PCLO: variants seen among roughly 807,000 people sequenced by gnomAD.
PCLO encodes protein piccolo.
Under a neutral mutation model 427.5 loss-of-function variants are expected in PCLO, and 82 were observed. The ratio of observed to expected loss-of-function variants is 0.19; its 90% CI spans 0.16 to 0.23. The LOEUF is 0.23. PCLO is among the 10% of genes least tolerant of loss of function. The probability of loss-of-function intolerance (pLI) is 1.00; values close to 1 mark genes in which losing one functional copy is unlikely to be tolerated. For synonymous variants in PCLO, 2,357 were observed against 2,155.4 expected, an observed-to-expected ratio of 1.09 and a Z score of -2.59; for missense variants, 6,239 against 6,115.9, an observed-to-expected ratio of 1.02 and a Z score of -0.67.
intron 22 of PCLO, among the ~76,000 whole-genome samples, chr7:82,770,752 G>T (rs1198845136): frequency 1.3e-5 from 2 of 151,668 alleles, no homozygotes; most frequent in East Asian, 3.9e-4. Context: ...TGGTACTCAA[G>T]AATTACCTAT....
intron 3 of PCLO, among the ~76,000 whole-genome samples, chr7:83,119,023 A>C (rs1280179224): frequency 6.6e-6 from 1 of 152,160 alleles, no homozygotes; most frequent in Non-Finnish European, 1.5e-5. Context: ...AGCCACAGTA[A>C]AATAAAGCAC....
At chr7:82,866,655 TACACACACACACACACAC>T (rs71096605) in intron 10 of PCLO, among the ~76,000 whole-genome samples, 5 of 143,108 alleles carry the variant, frequency 3.5e-5, no homozygotes, top group African/African-American at 1.0e-4. Flanking sequence ...TGAAATTTTA[TACACACACACACACACAC>T]ACACACACAC....
intron 9 of PCLO, among the ~76,000 whole-genome samples, chr7:82,892,425 T>C (rs903654375): frequency 7.9e-5 from 12 of 152,122 alleles, no homozygotes; most frequent in African/African-American, 2.9e-4. Context: ...CAAAAATTAA[T>C]TCAAGATGGA....
chr7:82,897,284 C>T (rs1486157648), intron 9 of PCLO, among the ~76,000 whole-genome samples: 1 of 151,532 alleles, frequency 6.6e-6, no homozygotes, highest in South Asian at 2.1e-4. Flanking sequence ...CACTCTGTTG[C>T]CTTGTGTTTT....
chr7:82,907,408 T>C (rs1794217748), intron 8 of PCLO, among the ~76,000 whole-genome samples: 1 of 152,138 alleles, frequency 6.6e-6, no homozygotes, highest in South Asian at 2.1e-4. Flanking sequence ...ATTCATATAA[T>C]AAACACATTT....
intron 9 of PCLO, chr7:82,880,276 C>G (rs187309130): frequency 7.6e-5 from 20 of 264,404 alleles, no homozygotes; most frequent in Middle Eastern, 8.6e-4. Flanking sequence ...GCATATATGG[C>G]TCATCACTGA....
chr7:83,155,129 A>G lies in PCLO; in HGVS notation c.1512T>C (p.Pro504=). Residue 504 remains proline (P), a synonymous_variant, in exon 2 of 25, where the codon CCT becomes CCC. Coordinates refer to ENST00000333891, the MANE Select transcript of PCLO (RefSeq NM_033026.6). The part of the protein sequence containing the change: ...PGSAKPPSQQ[P]GSTKPPPQQP... ...GTTGAGGTGGGGGTTTTGTTGAGCC[A>G]GGCTGTTGAGATGGGGGCTTTGCTG... 1.3e-6 allele frequency: 2 copies of G among 1,485,256 alleles called. No homozygotes were observed. Among genetic ancestry groups the G allele is most frequent in the Non-Finnish European group, 1.8e-6 (2 of 1,103,910 alleles). 92.0% of individuals were successfully genotyped at this position (1,485,256 alleles called of 1,614,324 possible).
chr7:83,144,370 G>A (rs546234572), intron 2 of PCLO, among the ~76,000 whole-genome samples: 35 of 70,858 alleles, frequency 4.9e-4, no homozygotes, highest in African/African-American at 1.9e-3. Flanking sequence ...GCAGTGAGCT[G>A]AGATCACACC....
At chr7:83,091,675 T>C (rs1790381655) in intron 3 of PCLO, among the ~76,000 whole-genome samples, 1 of 152,158 alleles carries the variant, frequency 6.6e-6, no homozygotes, top group African/African-American at 2.4e-5. Context: ...TACATTTGCT[T>C]ATAATAAATG....
intron 10 of PCLO, among the ~76,000 whole-genome samples, chr7:82,875,265 A>G (rs117850154): frequency 6.6e-6 from 1 of 152,186 alleles, no homozygotes; most frequent in Non-Finnish European, 1.5e-5. Context: ...AAGTTCTTGA[A>G]CTGCATTTTT....
chr7:82,769,138 A>T (rs1224254366), intron 22 of PCLO, among the ~76,000 whole-genome samples: 1 of 152,156 alleles, frequency 6.6e-6, no homozygotes, highest in Non-Finnish European at 1.5e-5. Flanking sequence ...TCATGGGAAT[A>T]TTCGCTTTAA....
chr7:83,050,271 TAAAA>T (rs60841081), intron 3 of PCLO, among the ~76,000 whole-genome samples: 2,805 of 94,612 alleles, frequency 0.03, 135 homozygotes, highest in African/African-American at 0.087. Context: ...AAGTGCTTTT[TAAAA>T]AAAAAAAAAA....
intron 3 of PCLO, among the ~76,000 whole-genome samples, chr7:83,054,828 G>A (rs1410713032): frequency 6.6e-6 from 1 of 152,018 alleles, no homozygotes; most frequent in Non-Finnish European, 1.5e-5. Flanking sequence ...TGAATGAGTT[G>A]AGCAACTTCA....
At position 82,952,997 on chromosome 7, in the gene PCLO, A is replaced by G; in HGVS notation, c.7956T>C (p.Pro2652=). The part of the protein sequence containing the change: ...SGALQTFSAT[P]VTAPSSFQAA... ...CTTGAAATGAAGAGGGTGCTGTGAC[A>G]GGGGTAGCAGAAAATGTCTGTAAAG... is the stretch of plus-strand genomic sequence containing the variant. The change falls in exon 5 of 25, where the codon CCT becomes CCC. Residue 2652 remains proline (P), a synonymous_variant. Coordinates refer to ENST00000333891, the MANE Select transcript of PCLO (RefSeq NM_033026.6). 6.2e-7 allele frequency: 1 copy of G among 1,613,914 alleles called. No individual in the cohort carries two copies. The highest frequency in any genetic ancestry group is 1.1e-5 in the South Asian group (1 of 91,090).
chr7:82,912,058 C>T (rs926716159), intron 7 of PCLO, among the ~76,000 whole-genome samples: 5 of 152,046 alleles, frequency 3.3e-5, no homozygotes, highest in Non-Finnish European at 7.4e-5. Flanking sequence ...GTCTTATATC[C>T]TATCACTTAT....
At position 82,951,863 on chromosome 7, in the gene PCLO, A is replaced by G; in HGVS notation, c.9090T>C (p.Val3030=). Residue 3030 remains valine, a synonymous_variant, in exon 5 of 25, where the codon GTT becomes GTC. Transcript: ENST00000333891. Reference sequence around the variant, plus strand: ...CTGCCACATCATACTGACCTGTAGTAACTCTCCCTGAAGTCAGATCTACTG... The same window carrying G: ...CTGCCACATCATACTGACCTGTAGTGACTCTCCCTGAAGTCAGATCTACTG... The part of the protein sequence containing the change: ...DTAVDLTSGR[V]TTGEVMDYSS... 6.2e-7 allele frequency: 1 copy of G among 1,612,086 alleles called. No individual in the cohort carries two copies.
At chr7:82,797,145 TC>T (rs1382117206) in intron 22 of PCLO, among the ~76,000 whole-genome samples, 2 of 152,114 alleles carry the variant, frequency 1.3e-5, no homozygotes, top group African/African-American at 4.8e-5. Context: ...AAACTGAATT[TC>T]CATTCTTACT....
rs186267408 is a variant in PCLO, at chr7:82,999,706, T to C, written c.3301-33219A>G. Among the ~76,000 whole-genome samples the C allele has an allele frequency of 1.8e-3, 97 of 52,870 alleles. 23 individuals are homozygous for C. The highest frequency in any genetic ancestry group is 3.6e-3 in the East Asian group (2 of 560). The allele number at this position is 52,870 out of a possible 152,430, so 34.7% of individuals were successfully genotyped here. On this transcript the variant is annotated intron_variant, in intron 3 of 24. Coordinates refer to ENST00000333891, the MANE Select transcript of PCLO (RefSeq NM_033026.6). ...ATATAAAATAATATATAATATTAAATATAAAATATAATATATAATATTAAA... is the reference window on the plus strand; with the variant it reads ...ATATAAAATAATATATAATATTAAACATAAAATATAATATATAATATTAAA...
In PCLO at chr7:82,956,431, C is replaced by T; in HGVS notation, c.4522G>A (p.Glu1508Lys). 1 of 1,613,782 alleles carries T rather than the reference C, an allele frequency of 6.2e-7. No individual in the cohort carries two copies. The highest frequency in any genetic ancestry group is 8.5e-7 in the Non-Finnish European group (1 of 1,179,848). The change falls in exon 5 of 25, where the codon GAG (glutamate) becomes AAG (lysine). Residue 1508 changes from glutamate (E) to lysine (K), a missense_variant. Glu to Lys is a moderately conservative substitution (Grantham distance 56, BLOSUM62 1). This residue lies in a region of PCLO where 4,677 missense variants were observed against 4,468.4 expected (regional missense o/e 1.05). Coordinates refer to ENST00000333891, the MANE Select transcript of PCLO (RefSeq NM_033026.6). ...CTCTCTTCAACTGAATCATAAGGCT[C>T]TCTTCTAGTAGTTATGTCATCAACA... ...EFVDDITTRR[E>K]PYDSVEESSE... is the part of the protein sequence containing the mutation.
Sources: allele counts gnomAD v4.1 joint callset (sites outside exome capture counted in the v4.1 genomes callset), GRCh38; gene constraint gnomAD v4.1.1; regional missense constraint gnomAD v4.1.1; transcripts MANE v1.5; gene names NCBI Gene and HGNC (gene_info 2026-07-23, HGNC 2026-07-21).